BLTP1: variants seen among roughly 807,000 people sequenced by gnomAD.
BLTP1 encodes bridge-like lipid transfer protein family member 1.
the BLTP1 span, chr4:122,152,405 G>C: frequency 4.1e-6 from 4 of 985,804 alleles, no homozygotes; most frequent in Non-Finnish European, 4.8e-6. Context: ...CTGCGGCCAG[G>C]GTCTGGACCT....
At chr4:122,307,547 T>C in the BLTP1 span, 1 of 985,142 alleles carries the variant, frequency 1.0e-6, no homozygotes, top group Non-Finnish European at 1.2e-6. Flanking sequence ...TCAGATCCTT[T>C]TAATGGTATG....
the BLTP1 span, chr4:122,208,215 A>G: frequency 5.7e-6 from 4 of 702,376 alleles, no homozygotes; most frequent in Non-Finnish European, 7.0e-6. Context: ...TTATGTAGTA[A>G]CTCAATTCTC....
the BLTP1 span, chr4:122,226,732 A>T: frequency 6.2e-7 from 1 of 1,613,630 alleles, no homozygotes; most frequent in Non-Finnish European, 8.5e-7. Flanking sequence ...GAGTGGGGAC[A>T]GACATTTGTT....
At chr4:122,217,326 T>C in the BLTP1 span, among the ~76,000 whole-genome samples, 1 of 152,274 alleles carries the variant, frequency 6.6e-6, no homozygotes, top group East Asian at 1.9e-4. Flanking sequence ...AGTCTTACTT[T>C]TGCTATGCAG....
chr4:122,260,360 A>G, the BLTP1 span, among the ~76,000 whole-genome samples: 1 of 152,230 alleles, frequency 6.6e-6, no homozygotes, highest in Non-Finnish European at 1.5e-5. Flanking sequence ...ACATGACAAA[A>G]GGCTAATTTT....
the BLTP1 span, chr4:122,243,087 CT>C: frequency 6.2e-7 from 1 of 1,608,624 alleles, no homozygotes; most frequent in South Asian, 1.1e-5. Context: ...AAATATCATG[CT>C]TTTAAAGTGT....
At chr4:122,246,867 C>G in the BLTP1 span, 7 of 1,565,244 alleles carry the variant, frequency 4.5e-6, no homozygotes, top group Non-Finnish European at 6.1e-6. Flanking sequence ...TAAAAGCAAG[C>G]CTTGATCATC....
chr4:122,297,841 A>T, the BLTP1 span: 1 of 152,312 alleles, frequency 6.6e-6, no homozygotes, highest in South Asian at 2.1e-4. Flanking sequence ...CTCACTTATC[A>T]GTGGGAGCTG....
At chr4:122,348,790 T>G in the BLTP1 span, 15 of 996,558 alleles carry the variant, frequency 1.5e-5, no homozygotes, top group African/African-American at 2.1e-4. Context: ...GTAAAGATAT[T>G]CAGAACCTTT....
chr4:122,231,251 G>A, the BLTP1 span, among the ~76,000 whole-genome samples: 1 of 152,150 alleles, frequency 6.6e-6, no homozygotes, highest in Non-Finnish European at 1.5e-5. Context: ...ATTAATTTCA[G>A]TTTATATCCA....
chr4:122,329,302 C>T, the BLTP1 span, among the ~76,000 whole-genome samples: 417 of 151,874 alleles, frequency 2.7e-3, no homozygotes, highest in Non-Finnish European at 4.5e-3. Context: ...TATCTTCCAG[C>T]ATCCATATTC....
the BLTP1 span, chr4:122,263,077 G>C: frequency 7.1e-7 from 1 of 1,400,964 alleles, no homozygotes; most frequent in Non-Finnish European, 9.5e-7. Flanking sequence ...TACTTTGGTA[G>C]TACAACTAAT....
the BLTP1 span, among the ~76,000 whole-genome samples, chr4:122,154,701 G>A: frequency 3.9e-5 from 6 of 152,036 alleles, no homozygotes; most frequent in South Asian, 6.2e-4. Context: ...GTGAAACCCC[G>A]TGTCTACTAA....
At chr4:122,165,332 T>C in the BLTP1 span, among the ~76,000 whole-genome samples, 1 of 151,648 alleles carries the variant, frequency 6.6e-6, no homozygotes, top group African/African-American at 2.4e-5. Flanking sequence ...GTTTGGTTTT[T>C]TGTCCTTGCG....
At chr4:122,320,571 A>G in the BLTP1 span, among the ~76,000 whole-genome samples, 1 of 152,116 alleles carries the variant, frequency 6.6e-6, no homozygotes, top group Non-Finnish European at 1.5e-5. Context: ...TTGCTTTGAA[A>G]TCTGCTCTGT....
the BLTP1 span, chr4:122,343,404 C>G: frequency 6.2e-7 from 1 of 1,613,508 alleles, no homozygotes; most frequent in Non-Finnish European, 8.5e-7. Flanking sequence ...CCTGTGCTCA[C>G]TGTAGGTTCA....
At chr4:122,321,695 A>G in the BLTP1 span, among the ~76,000 whole-genome samples, 3 of 152,000 alleles carry the variant, frequency 2.0e-5, no homozygotes, top group East Asian at 1.9e-4. Context: ...ATAGAGATCT[A>G]TATCATTTTC....
At chr4:122,197,537 C>T in the BLTP1 span, 1 of 664,904 alleles carries the variant, frequency 1.5e-6, no homozygotes, top group African/African-American at 2.0e-5. Context: ...GCATAATTTA[C>T]TTAATGCATG....
At chr4:122,328,106 T>C in the BLTP1 span, 9 of 1,563,526 alleles carry the variant, frequency 5.8e-6, no homozygotes, top group Non-Finnish European at 7.8e-6. Flanking sequence ...ACAATCAGTT[T>C]CCAGAGGAGA....
Sources: gnomAD v4.1 joint callset for allele counts (sites outside exome capture counted in the v4.1 genomes callset) on GRCh38, gnomAD v4.1.1 for gene constraint, MANE v1.5 for transcripts, NCBI Gene and HGNC (gene_info 2026-07-23, HGNC 2026-07-21) for gene names.